The following CAMK4 variants were observed in gnomAD, a reference collection of about 807,000 sequenced individuals.
The protein encoded by CAMK4 is calcium/calmodulin dependent protein kinase IV.
Under a neutral mutation model 44.9 loss-of-function variants are expected in CAMK4, and 22 were observed. The ratio of observed to expected loss-of-function variants is 0.49; its 90% CI spans 0.35 to 0.70. The LOEUF is 0.70. CAMK4 is among the 30% of genes least tolerant of loss of function. The pLI is 0.01. For missense variants in CAMK4, 498 were observed against 586.8 expected, an observed-to-expected ratio of 0.85 and a Z score of 1.56; for synonymous variants, 218 against 215.4, an observed-to-expected ratio of 1.01 and a Z score of -0.11.
At chr5:111,376,973 A>G in intron 4 of CAMK4, 31 bp downstream of exon 4, 1 of 1,459,628 alleles carries the variant, frequency 6.9e-7, no homozygotes, top group African/African-American at 1.4e-5. Flanking sequence ...TAACCACAGA[A>G]AGGTTTGCTT....
At chr5:111,376,487 G>T (rs796505858) in intron 3 of CAMK4, among the ~76,000 whole-genome samples, 1 of 152,058 alleles carries the variant, frequency 6.6e-6, no homozygotes, top group Non-Finnish European at 1.5e-5. Flanking sequence ...TAGGCATTTT[G>T]TACCTCTAGC....
chr5:111,238,304 C>A (rs187310664), intron 1 of CAMK4, among the ~76,000 whole-genome samples: 1 of 152,280 alleles, frequency 6.6e-6, no homozygotes. Flanking sequence ...TATTGAGACC[C>A]TAACTCCCAA....
At position 111,482,658 on chromosome 5, in the gene CAMK4, A is replaced by G. The variant is rs1161499761; in HGVS notation, c.829-127A>G. The G allele has an allele frequency of 1.3e-6, 1 of 741,200 alleles. No individual in the cohort carries two copies. Among genetic ancestry groups the G allele is most frequent in the Non-Finnish European group, 2.2e-6 (1 of 463,230 alleles). The allele number at this position is 741,200 out of a possible 1,614,324, so 45.9% of individuals were successfully genotyped here. On this transcript the variant is annotated intron_variant, in intron 9 of 10. Transcript: ENST00000282356. This position sits in a 1 kb window ranked among gnomAD's most constrained non-coding sequence, Gnocchi z 4.9. ...ACAGTGGCCCCTGAGGACTTAAACA[A>G]TTTTTTTCTCACATATATTTAGTGG...
At position 111,314,087 on chromosome 5, in the gene CAMK4, G is replaced by A. The variant is rs531475629; in HGVS notation, c.162-29937G>A. ...CCCCAAAAGTGTAATAGGAAGTAATGGAAAAACTAATACATTATTAAACAG... is the reference window on the plus strand; with the variant it reads ...CCCCAAAAGTGTAATAGGAAGTAATAGAAAAACTAATACATTATTAAACAG... On this transcript the variant is annotated intron_variant, in intron 1 of 10. Transcript: ENST00000282356. Among the ~76,000 whole-genome samples, 4 of 152,122 alleles carry A rather than the reference G, an allele frequency of 2.6e-5. No individual in the cohort carries two copies. In the South Asian group the frequency reaches 6.2e-4, roughly 24 times the overall value.
At chr5:111,390,525 T>C (rs1312198027) in intron 4 of CAMK4, among the ~76,000 whole-genome samples, 3 of 152,184 alleles carry the variant, frequency 2.0e-5, no homozygotes, top group Non-Finnish European at 4.4e-5. Context: ...CTGAAAAATA[T>C]GCTATTTGAG....
intron 7 of CAMK4, among the ~76,000 whole-genome samples, chr5:111,469,201 A>G (rs1000713298): frequency 2.9e-4 from 39 of 134,716 alleles, no homozygotes; most frequent in African/African-American, 1.0e-3. Flanking sequence ...ATATATATAT[A>G]TATATTTGAA....
At chr5:111,346,846 A>C (rs1650798) in intron 2 of CAMK4, among the ~76,000 whole-genome samples, 14 of 116,858 alleles carry the variant, frequency 1.2e-4, no homozygotes, top group South Asian at 2.5e-4. Flanking sequence ...AACAAACAAA[A>C]ACACTAACAC....
intron 6 of CAMK4, 138 bp from the exon 7 acceptor site, chr5:111,448,991 C>T: frequency 2.1e-6 from 1 of 479,116 alleles, no homozygotes; most frequent in Non-Finnish European, 3.8e-6. Context: ...GTGACTTGTT[C>T]CCACCCACCT....
chr5:111,369,132 C>T (rs1252390030), intron 2 of CAMK4, among the ~76,000 whole-genome samples: 1 of 151,542 alleles, frequency 6.6e-6, no homozygotes, highest in Non-Finnish European at 1.5e-5. Flanking sequence ...GTGGCACAAG[C>T]TCAGCTCACT....
intron 2 of CAMK4, chr5:111,365,223 A>G (rs1370424905): frequency 1.3e-5 from 2 of 152,110 alleles, no homozygotes; most frequent in Admixed American, 6.6e-5. Context: ...ATTAGTATAT[A>G]CTAGTGGACC....
rs146318949 is a variant in CAMK4 at position 111,289,585 on chromosome 5, A to C, written c.162-54439A>C. 3.7e-3 allele frequency among the ~76,000 whole-genome samples: 561 copies of C among 152,332 alleles called. 3 individuals are homozygous for C. The highest frequency in any genetic ancestry group is 0.013 in the African/African-American group (549 of 41,578). The stretch of plus-strand genomic sequence containing the variant: ...CAAGGCTGTATTTGATATTCACTAT[A>C]AATTTGCCACACCATTTATTCTAGA... On this transcript the variant is annotated intron_variant, in intron 1 of 10. Transcript: ENST00000282356.
chr5:111,257,773 A>G (rs1749803309), intron 1 of CAMK4, among the ~76,000 whole-genome samples: 1 of 152,222 alleles, frequency 6.6e-6, no homozygotes, highest in African/African-American at 2.4e-5. Context: ...TAGACTGGCT[A>G]AAGAAAATGT....
chr5:111,288,387 T>C (rs1467772965), intron 1 of CAMK4, among the ~76,000 whole-genome samples: 1 of 152,228 alleles, frequency 6.6e-6, no homozygotes, highest in Non-Finnish European at 1.5e-5. Context: ...AAAATGTATC[T>C]TTTTATCAAA....
chr5:111,382,270 C>T (rs888691011), intron 4 of CAMK4, among the ~76,000 whole-genome samples: 1 of 152,060 alleles, frequency 6.6e-6, no homozygotes, highest in East Asian at 1.9e-4. Context: ...GTAATCTGTA[C>T]TTCAGCATTT....
intron 2 of CAMK4, among the ~76,000 whole-genome samples, chr5:111,344,838 C>T (rs1749802872): frequency 6.6e-6 from 1 of 151,692 alleles, no homozygotes; most frequent in Admixed American, 6.6e-5. Flanking sequence ...TGTCTATACC[C>T]CCAGAGAGTA....
At chr5:111,358,378 C>T (rs1750454958) in intron 2 of CAMK4, among the ~76,000 whole-genome samples, 1 of 151,962 alleles carries the variant, frequency 6.6e-6, no homozygotes, top group Non-Finnish European at 1.5e-5. Flanking sequence ...CTATATGGGT[C>T]AGATTCCAAT....
intron 2 of CAMK4, among the ~76,000 whole-genome samples, chr5:111,356,742 A>G (rs1485961953): frequency 6.6e-6 from 1 of 152,156 alleles, no homozygotes; most frequent in African/African-American, 2.4e-5. Flanking sequence ...TTTTGCCAGC[A>G]CCATTTATTA....
chr5:111,263,150 C>G (rs1209923567), intron 1 of CAMK4, among the ~76,000 whole-genome samples: 10 of 152,190 alleles, frequency 6.6e-5, no homozygotes, highest in Admixed American at 5.2e-4. Flanking sequence ...AATGATAAAT[C>G]TTGACTATGT....
At position 111,454,049 on chromosome 5, in the gene CAMK4, C is replaced by T. The variant is rs532477694; in HGVS notation, c.625+4846C>T. ...ACAAGCCACAGGAGAGACAGGCTCTCTGCAACCAGAAAAGCTTTTTAAGAT... is the reference window on the plus strand; with the variant it reads ...ACAAGCCACAGGAGAGACAGGCTCTTTGCAACCAGAAAAGCTTTTTAAGAT... On this transcript the variant is annotated intron_variant, in intron 7 of 10. Transcript: ENST00000282356. 4.6e-5 allele frequency among the ~76,000 whole-genome samples: 7 copies of T among 152,244 alleles called. No homozygotes were observed. In the East Asian group the frequency reaches 1.2e-3, roughly 25 times the overall value.
Sources: allele counts gnomAD v4.1 joint callset (sites outside exome capture counted in the v4.1 genomes callset), GRCh38; gene constraint gnomAD v4.1.1; non-coding constraint Gnocchi (gnomAD v3.1); transcripts MANE v1.5; gene names NCBI Gene and HGNC (gene_info 2026-07-23, HGNC 2026-07-21).